Variants in TRIM40 observed in about 807,000 individuals in gnomAD.
TRIM40 encodes E3 ubiquitin ligase TRIM40.
Under a neutral mutation model 26.1 loss-of-function variants are expected in TRIM40, and 27 were observed. The ratio of observed to expected loss-of-function variants is 1.04; its 90% confidence interval spans 0.76 to 1.43. The LOEUF is 1.43. Among genes scored for constraint, TRIM40 ranks in the 40% most tolerant of loss-of-function variants. The pLI, the probability that TRIM40 is intolerant of heterozygous loss-of-function variation, is 0.00. For synonymous variants in TRIM40, 114 were observed against 120.0 expected (o/e 0.95, Z 0.33); for missense variants, 289 against 307.9 (o/e 0.94, Z 0.46).
intron 2 of TRIM40, among the ~76,000 whole-genome samples, chr6:30,145,589 G>A (rs1192594660): frequency 2.0e-5 from 3 of 152,204 alleles, no homozygotes; most frequent in Non-Finnish European, 4.4e-5. Flanking sequence ...GGCAGCAGAG[G>A]TAGCAGAGGG....
intron 2 of TRIM40, among the ~76,000 whole-genome samples, chr6:30,144,532 G>T (rs1423755500): frequency 6.6e-6 from 1 of 152,172 alleles, no homozygotes. Flanking sequence ...AAAGGGTTGA[G>T]GAGCCAACTT....
rs758660998 is a variant in TRIM40 at position 30,147,703 on chromosome 6, T to G, written c.690-22T>G. The G allele has an allele frequency of 1.2e-5, 20 of 1,611,924 alleles. No homozygotes were observed. In the African/African-American group the frequency reaches 2.7e-4, roughly 22 times the overall value. On this transcript the variant is annotated intron_variant, in intron 5 of 5. Coordinates refer to ENST00000396581, the MANE Select transcript of TRIM40 (RefSeq NM_001286633.2). ...GAATATATGAATACATATTAATCTA[T>G]GAAAGATTTCTTTGTTTCTAGGAGT... is the stretch of plus-strand genomic sequence containing the variant.
At chr6:30,137,450 C>T in intron 2 of TRIM40, 69 bp downstream of exon 2, 1 of 1,354,184 alleles carries the variant, frequency 7.4e-7, no homozygotes, top group Non-Finnish European at 1.0e-6. Flanking sequence ...ACATGTTCAT[C>T]ATGCCTGGCA....
chr6:30,146,900 G>A, intron 3 of TRIM40, 85 bp from the exon 4 acceptor site: 1 of 1,342,280 alleles, frequency 7.5e-7, no homozygotes, highest in Non-Finnish European at 1.0e-6. Context: ...TGAGGAATCA[G>A]CATTCCTGCT....
At chr6:30,145,077 C>A (rs1183740913) in intron 2 of TRIM40, among the ~76,000 whole-genome samples, 1 of 152,100 alleles carries the variant, frequency 6.6e-6, no homozygotes, top group Admixed American at 6.5e-5. Context: ...CCCTTGCTGA[C>A]CCCTCACACA....
In TRIM40 at chr6:30,136,753, A is replaced by G. The variant is rs1771021801; in HGVS notation, c.-284A>G. On this transcript the variant is annotated 5_prime_UTR_variant, in exon 2 of 6. Transcript: ENST00000396581. ...TCTAGGTGTATGAAAAATAATTTCA[A>G]GTTTAACAAACACAAGGAAACCGCA... is the stretch of plus-strand genomic sequence containing the variant. The G allele has an allele frequency of 4.3e-6, 2 of 470,192 alleles. No individual in the cohort carries two copies. Among genetic ancestry groups the G allele is most frequent in the South Asian group, 9.3e-5 (2 of 21,610 alleles). 29.1% of individuals were successfully genotyped at this position (470,192 alleles called of 1,614,324 possible). A position where few individuals can be genotyped will look rare whatever the true frequency, so the allele number is the denominator to read the frequency against.
rs991115051 is a variant in TRIM40, at chr6:30,136,678, T to G, written c.-304-55T>G. 1.8e-5 allele frequency: 5 copies of G among 280,262 alleles called. No individual in the cohort carries two copies. In the East Asian group the frequency reaches 3.4e-4, roughly 19 times the overall value. 17.4% of individuals were successfully genotyped at this position (280,262 alleles called of 1,614,324 possible). ...ATTTGGGGCCCGTGCAAATATTCAC[T>G]GAAAGCTGTCAAGAGGAAAACAGAA... On this transcript the variant is annotated intron_variant, in intron 1 of 5. Transcript: ENST00000396581.
chr6:30,137,263 A>G lies in TRIM40; in HGVS notation c.227A>G (p.Lys76Arg). ...GGCTATATCTGCCCCAACCACCAGA[A>G]GAGGGTGTGCAGGTTCTGTGAGGAG... ...GTGYICPNHQKRVCRFCEESR... is the reference protein window; with the variant it reads ...GTGYICPNHQRRVCRFCEESR... Residue 76 changes from lysine to arginine, a missense_variant, in exon 2 of 6, where the codon AAG becomes AGG. Transcript: ENST00000396581. The G allele has an allele frequency of 3.1e-6, 5 of 1,613,090 alleles. No homozygotes were observed. The highest frequency in any genetic ancestry group is 4.2e-6 in the Non-Finnish European group (5 of 1,180,032).
At position 30,148,226 on chromosome 6, in the gene TRIM40, CTTG is replaced by C. The variant is rs1771790847; in HGVS notation, c.*419_*421del. On this transcript the variant is annotated 3_prime_UTR_variant, in exon 6 of 6. Coordinates refer to ENST00000396581, the MANE Select transcript of TRIM40 (RefSeq NM_001286633.2). Reference sequence around the variant, plus strand: ...GGAGCCCAGCTGAGTTCCTGCAGTACTTGTTGTCTGTACCACTCACCTGGCACT... The same window carrying C: ...GGAGCCCAGCTGAGTTCCTGCAGTACTTGTCTGTACCACTCACCTGGCACT... 1 of 227,800 alleles carries C rather than the reference CTTG, an allele frequency of 4.4e-6. No individual in the cohort carries two copies. Among genetic ancestry groups the C allele is most frequent in the African/African-American group, 2.2e-5 (1 of 44,888 alleles). 14.1% of individuals were successfully genotyped at this position (227,800 alleles called of 1,614,324 possible). A position where few individuals can be genotyped will look rare whatever the true frequency, so the allele number is the denominator to read the frequency against.
At chr6:30,144,614 T>G (rs1771539559) in intron 2 of TRIM40, among the ~76,000 whole-genome samples, 1 of 151,790 alleles carries the variant, frequency 6.6e-6, no homozygotes, top group Non-Finnish European at 1.5e-5. Flanking sequence ...CTAGGAAGGA[T>G]GGGGTGGAGA....
chr6:30,138,620 C>T (rs1418007541), intron 2 of TRIM40, among the ~76,000 whole-genome samples: 1 of 152,148 alleles, frequency 6.6e-6, no homozygotes, highest in Non-Finnish European at 1.5e-5. Context: ...AGAATCCTCA[C>T]AATACTCTTA....
rs374377986 is a variant in TRIM40, at chr6:30,137,071, G to T, written c.35G>T (p.Gly12Val). The T allele has an allele frequency of 6.2e-7, 1 of 1,613,030 alleles. No homozygotes were observed. The highest frequency in any genetic ancestry group is 2.2e-5 in the East Asian group (1 of 44,882). The change falls in exon 2 of 6, where the codon GGT (glycine) becomes GTT (valine). Residue 12 changes from glycine to valine, a missense_variant. Transcript: ENST00000396581. Reference protein sequence around the residue: ...IPLQKDNQEEGVCPICQESLK... With the variant: ...IPLQKDNQEEVVCPICQESLK... ...TTGCAGAAGGACAACCAGGAGGAGGGTGTCTGCCCCATCTGCCAGGAGAGC... is the reference window on the plus strand; with the variant it reads ...TTGCAGAAGGACAACCAGGAGGAGGTTGTCTGCCCCATCTGCCAGGAGAGC...
intron 3 of TRIM40, among the ~76,000 whole-genome samples, chr6:30,146,445 T>G (rs773672224): frequency 2.6e-5 from 4 of 151,832 alleles, no homozygotes; most frequent in Non-Finnish European, 5.9e-5. Flanking sequence ...GGAGCCTTGC[T>G]CTGTCGCCCA....
At chr6:30,142,292 TG>T (rs1771393352) in intron 2 of TRIM40, among the ~76,000 whole-genome samples, 1 of 152,202 alleles carries the variant, frequency 6.6e-6, no homozygotes, top group South Asian at 2.1e-4. Context: ...TCAATGTCAG[TG>T]TCAATCACTT....
chr6:30,139,900 A>C (rs983904522), intron 2 of TRIM40, among the ~76,000 whole-genome samples: 1 of 152,218 alleles, frequency 6.6e-6, no homozygotes, highest in African/African-American at 2.4e-5. Flanking sequence ...CCCATCAAAA[A>C]GTGGGCAAAG....
Position 30,147,822 on chromosome 6 carries a change from C to T in TRIM40, c.*10C>T, listed in dbSNP as rs775596587. On this transcript the variant is annotated 3_prime_UTR_variant, in exon 6 of 6. Coordinates refer to ENST00000396581, the MANE Select transcript of TRIM40 (RefSeq NM_001286633.2). ...CCCTCAGAAGCTCTGACCTGTTCAT[C>T]CCTGGGACACCTCACTTCAGGCTCA... 5.6e-6 allele frequency: 9 copies of T among 1,612,236 alleles called. No homozygotes were observed. The Admixed American group carries it at 1.0e-4, about 18-fold the overall frequency.
Position 30,146,982 on chromosome 6 carries a change from T to C in TRIM40, c.442-3T>C, listed in dbSNP as rs1771700900. ...TGAGTCTTAGGGAGCCCCTTTCCTG[T>C]AGTTTCAGGTAGACCACGGGAACCA... On this transcript the variant is annotated splice_polypyrimidine_tract_variant and splice_region_variant and intron_variant, in intron 3 of 5. Transcript: ENST00000396581. The C allele has an allele frequency of 1.3e-6, 2 of 1,578,258 alleles. No individual in the cohort carries two copies. Among genetic ancestry groups the C allele is most frequent in the East Asian group, 2.3e-5 (1 of 42,574 alleles).
intron 2 of TRIM40, among the ~76,000 whole-genome samples, chr6:30,140,948 A>G (rs1270404686): frequency 6.6e-6 from 1 of 152,180 alleles, no homozygotes; most frequent in East Asian, 1.9e-4. Context: ...TCTTATTCCT[A>G]GAACCTAGAA....
At position 30,148,057 on chromosome 6, in the gene TRIM40, C is replaced by A. The variant is rs1771780787; in HGVS notation, c.*245C>A. On this transcript the variant is annotated 3_prime_UTR_variant, in exon 6 of 6. Coordinates refer to ENST00000396581, the MANE Select transcript of TRIM40 (RefSeq NM_001286633.2). ...GGGGCTGCCACTGTGGAGGTCGGGG[C>A]CCATGGTCTCCAGGAGCATTTGTGA... 3.5e-6 allele frequency: 2 copies of A among 577,782 alleles called. No individual in the cohort carries two copies. The highest frequency in any genetic ancestry group is 6.2e-6 in the Non-Finnish European group (2 of 324,782). 35.8% of individuals were successfully genotyped at this position (577,782 alleles called of 1,614,324 possible).
Sources: gnomAD v4.1 joint callset for allele counts (sites outside exome capture counted in the v4.1 genomes callset) on GRCh38, gnomAD v4.1.1 for gene constraint, MANE v1.5 for transcripts, NCBI Gene and HGNC (gene_info 2026-07-23, HGNC 2026-07-21) for gene names.